The following TENM4 variants were observed in gnomAD, a reference collection of about 807,000 sequenced individuals.
TENM4 encodes teneurin-4.
TENM4 carries 82 observed loss-of-function variants against 243.3 expected under a neutral mutation model. That is an observed-to-expected ratio of 0.34 (90% CI 0.28 to 0.40). TENM4 has a LOEUF of 0.40. TENM4 is among the 10% of genes least tolerant of loss of function. TENM4 has a pLI of 1.00. For synonymous variants in TENM4, 1,412 were observed against 1,456.3 expected (o/e 0.97, Z 0.69); for missense variants, 3,138 against 3,673.3 (o/e 0.85, Z 3.77).
At chr11:78,912,450 T>C (rs1178657922) in intron 6 of TENM4, among the ~76,000 whole-genome samples, 2 of 152,206 alleles carry the variant, frequency 1.3e-5, no homozygotes, top group African/African-American at 4.8e-5. Flanking sequence ...AGAGACTGGG[T>C]TTCACCATGT....
In TENM4 at chr11:78,998,195, T is replaced by A. The variant is rs115974679; in HGVS notation, c.493+66543A>T. 6.7e-3 allele frequency among the ~76,000 whole-genome samples: 1,017 copies of A among 152,326 alleles called. 15 individuals are homozygous for A. The highest frequency in any genetic ancestry group is 0.024 in the African/African-American group (980 of 41,564). On this transcript the variant is annotated intron_variant, in intron 6 of 33. Coordinates refer to ENST00000278550, the MANE Select transcript of TENM4 (RefSeq NM_001098816.3). Reference sequence around the variant, plus strand: ...TGGTCAATGGAACCACACCCAGGCTTCATGGTACAGTAGAAAAGCACTGAA... The same window carrying A: ...TGGTCAATGGAACCACACCCAGGCTACATGGTACAGTAGAAAAGCACTGAA...
In TENM4 at chr11:79,113,156, T is replaced by A. The variant is rs542090553; in HGVS notation, c.-66+35554A>T. On this transcript the variant is annotated intron_variant, in intron 4 of 33. Transcript: ENST00000278550. ...ATCTACTCTTTGTTTTATCATCCCT[T>A]CAAGTGAGAAAGCAGCCAGCCCTGG... 2.0e-4 allele frequency among the ~76,000 whole-genome samples: 31 copies of A among 152,126 alleles called. 1 individual carries two copies. The South Asian group carries it at 6.2e-3, about 31-fold the overall frequency.
At chr11:78,911,814 G>GA (rs1381649563) in intron 6 of TENM4, among the ~76,000 whole-genome samples, 10 of 152,176 alleles carry the variant, frequency 6.6e-5, no homozygotes, top group Non-Finnish European at 5.9e-5. Context: ...ATGTAAGAAG[G>GA]AAATTTCTTT....
At chr11:79,022,542 C>T (rs1024249907) in intron 6 of TENM4, among the ~76,000 whole-genome samples, 15 of 152,216 alleles carry the variant, frequency 9.9e-5, no homozygotes, top group African/African-American at 3.6e-4. Context: ...GGAAACCTTT[C>T]AGTGTGGCAG....
At chr11:79,347,898 G>A (rs1857353968) in intron 1 of TENM4, among the ~76,000 whole-genome samples, 2 of 148,320 alleles carry the variant, frequency 1.3e-5, no homozygotes, top group Admixed American at 1.4e-4. Context: ...TCCTGCCTCA[G>A]CCTCCCCAGT....
intron 6 of TENM4, among the ~76,000 whole-genome samples, chr11:78,979,530 C>CTGTGCATGCACATATGTGT (rs1026708615): frequency 6.6e-6 from 1 of 152,156 alleles, no homozygotes; most frequent in Non-Finnish European, 1.5e-5. Flanking sequence ...TGCATGTGTG[C>CTGTGCATGCACATATGTGT]TGTGCATGCA....
In TENM4 at chr11:78,701,719, G is replaced by T; in HGVS notation, c.4894C>A (p.Arg1632Ser). 1 of 1,613,960 alleles carries T rather than the reference G, an allele frequency of 6.2e-7. No individual in the cohort carries two copies. Among genetic ancestry groups the T allele is most frequent in the South Asian group, 1.1e-5 (1 of 91,058 alleles). Residue 1632 changes from arginine to serine, a missense_variant, in exon 28 of 34, where the codon CGC becomes AGC. This residue lies in a region of TENM4 where 2,467 missense variants were observed against 3,059.1 expected (regional missense o/e 0.81). Transcript: ENST00000278550. ...AGGGGCATCCCAGTAGAGTCTCGGC[G>T]GACATTTACCATGTTGCCATTGTTG... The part of the protein sequence containing the change: ...TDNNGNMVNV[R>S]RDSTGMPLWL...
chr11:79,157,460 G>A (rs1157810355), intron 3 of TENM4, among the ~76,000 whole-genome samples: 4 of 152,030 alleles, frequency 2.6e-5, no homozygotes. Flanking sequence ...AATGTGTGCC[G>A]AGTCCCTACA....
At chr11:79,373,171 A>G (rs1386275686) in intron 1 of TENM4, among the ~76,000 whole-genome samples, 1 of 152,174 alleles carries the variant, frequency 6.6e-6, no homozygotes, top group Non-Finnish European at 1.5e-5. Flanking sequence ...TAGATACTCA[A>G]CGCCTGTTAG....
intron 1 of TENM4, among the ~76,000 whole-genome samples, chr11:79,330,981 T>G (rs1372652124): frequency 6.6e-6 from 1 of 152,166 alleles, no homozygotes. Flanking sequence ...ATGAATAAAG[T>G]GAAACTCAGG....
In TENM4 at chr11:78,720,448, T is replaced by G. The variant is rs1164704984; in HGVS notation, c.3801-58A>C. Reference sequence around the variant, plus strand: ...AAAGAATGAGGTGTTAGCAGCAGGGTTAGAAGCATTATTAGCAGCCTGAAA... The same window carrying G: ...AAAGAATGAGGTGTTAGCAGCAGGGGTAGAAGCATTATTAGCAGCCTGAAA... On this transcript the variant is annotated intron_variant, in intron 24 of 33. Transcript: ENST00000278550. The G allele has an allele frequency of 2.5e-6, 4 of 1,591,138 alleles. No homozygotes were observed. In the African/African-American group the frequency reaches 5.4e-5, roughly 21 times the overall value.
At chr11:79,123,599 C>CTT (rs35553883) in intron 4 of TENM4, among the ~76,000 whole-genome samples, 73,357 of 143,434 alleles carry the variant, frequency 0.51, 20,248 homozygotes, top group Non-Finnish European at 0.64. Flanking sequence ...GCAGTAGCCC[C>CTT]TTTTTTTTTT....
intron 1 of TENM4, among the ~76,000 whole-genome samples, chr11:79,386,806 A>G (rs2135533892): frequency 6.6e-6 from 1 of 152,016 alleles, no homozygotes; most frequent in Non-Finnish European, 1.5e-5. Context: ...GTGAGCAAAA[A>G]TATCAGAACT....
intron 6 of TENM4, among the ~76,000 whole-genome samples, chr11:78,950,920 C>G (rs1000798155): frequency 2.0e-5 from 3 of 152,236 alleles, no homozygotes; most frequent in Non-Finnish European, 4.4e-5. Context: ...AAAGGCGAAG[C>G]CCCTGGCACA....
At chr11:79,282,791 A>T (rs574346114) in intron 2 of TENM4, among the ~76,000 whole-genome samples, 72 of 148,704 alleles carry the variant, frequency 4.8e-4, no homozygotes, top group African/African-American at 1.7e-3. Context: ...TTATTCAGGC[A>T]TTTGTGTGGA....
intron 22 of TENM4, among the ~76,000 whole-genome samples, chr11:78,726,947 A>G (rs939524104): frequency 1.1e-4 from 17 of 152,216 alleles, no homozygotes; most frequent in African/African-American, 3.6e-4. Flanking sequence ...TTTGTGCACA[A>G]GTCTTCACCA....
intron 4 of TENM4, among the ~76,000 whole-genome samples, chr11:79,138,415 A>T (rs1199269112): frequency 1.7e-5 from 2 of 115,784 alleles, no homozygotes; most frequent in Non-Finnish European, 3.2e-5. Context: ...AATAAAATAT[A>T]TATTATATTA....
chr11:79,132,925 C>G (rs976927327), intron 4 of TENM4, among the ~76,000 whole-genome samples: 2 of 152,082 alleles, frequency 1.3e-5, no homozygotes, highest in Non-Finnish European at 2.9e-5. Context: ...ATTCTAAGGT[C>G]ATACCTCAAG....
rs1283288669 is a variant in TENM4, at chr11:78,702,271, A to G, written c.4342T>C (p.Cys1448Arg). The G allele has an allele frequency of 6.2e-7, 1 of 1,614,052 alleles. No homozygotes were observed. The highest frequency in any genetic ancestry group is 2.2e-5 in the East Asian group (1 of 44,882). ...AAGTGGTCAATGCCAGGGACCTGGC[A>G]GTGCATGGGCCTCCCGGCGACAATG... is the stretch of plus-strand genomic sequence containing the variant. ...VRIVAGRPMH[C>R]QVPGIDHFLL... Residue 1448 changes from cysteine (C) to arginine (R), a missense_variant, in exon 28 of 34, where the codon TGC (cysteine) becomes CGC (arginine). Transcript: ENST00000278550.
Sources: gnomAD v4.1 joint callset for allele counts (sites outside exome capture counted in the v4.1 genomes callset) on GRCh38, gnomAD v4.1.1 for gene constraint, gnomAD v4.1.1 regional missense constraint, MANE v1.5 for transcripts, NCBI Gene and HGNC (gene_info 2026-07-23, HGNC 2026-07-21) for gene names.